Variants in B3GALT1 observed in about 807,000 individuals in gnomAD.
B3GALT1 encodes beta-1,3-galactosyltransferase 1, also known as UDP-Gal:betaGlcNAc beta 1,3-galactosyltransferase, polypeptide 1.
B3GALT1 carries 10 observed loss-of-function variants against 23.2 expected under a neutral mutation model. The ratio of observed to expected loss-of-function variants is 0.43; its 90% CI spans 0.27 to 0.73. The LOEUF (loss-of-function observed/expected upper bound fraction) is 0.73. B3GALT1 is among the 30% of genes least tolerant of loss of function. B3GALT1 has a pLI of 0.21. For synonymous variants in B3GALT1, 156 were observed against 141.5 expected (o/e 1.10, Z -0.73); for missense variants, 299 against 405.4 (o/e 0.74, Z 2.25).
At chr2:167,668,302 G>T (rs956237040) in intron 3 of B3GALT1, among the ~76,000 whole-genome samples, 1 of 152,102 alleles carries the variant, frequency 6.6e-6, no homozygotes, top group African/African-American at 2.4e-5. Context: ...GAGGCAGTTT[G>T]CCCGTTCTCA....
At chr2:167,526,055 C>T (rs1683214009) in intron 2 of B3GALT1, among the ~76,000 whole-genome samples, 1 of 152,090 alleles carries the variant, frequency 6.6e-6, no homozygotes, top group Non-Finnish European at 1.5e-5. Context: ...CTGCAATCAA[C>T]CATTTCTCCA....
chr2:167,840,872 T>C (rs1473187771), intron 4 of B3GALT1, among the ~76,000 whole-genome samples: 1 of 147,410 alleles, frequency 6.8e-6, no homozygotes, highest in South Asian at 2.2e-4. Context: ...TCATGTCCTT[T>C]GTAGGGACAT....
chr2:167,688,725 A>G lies in B3GALT1; in HGVS notation c.-352+41759A>G, dbSNP rs193101214. ...AGAACTAGAGAAAAAAGGGGCCCAAACTGAAAAAGCATTCAAATAAATAAT... is the reference window on the plus strand; with the variant it reads ...AGAACTAGAGAAAAAAGGGGCCCAAGCTGAAAAAGCATTCAAATAAATAAT... On this transcript the variant is annotated intron_variant, in intron 3 of 4. Transcript: ENST00000392690. Among the ~76,000 whole-genome samples, 12 of 152,264 alleles carry G rather than the reference A, an allele frequency of 7.9e-5. No homozygotes were observed. The East Asian group carries it at 2.1e-3, about 27-fold the overall frequency.
intron 1 of B3GALT1, among the ~76,000 whole-genome samples, chr2:167,353,169 C>T (rs958408960): frequency 6.6e-6 from 1 of 152,110 alleles, no homozygotes; most frequent in African/African-American, 2.4e-5. Flanking sequence ...AAACATAGTT[C>T]CTCCTCTTTT....
chr2:167,636,801 C>T (rs745875441), intron 2 of B3GALT1, among the ~76,000 whole-genome samples: 5 of 151,950 alleles, frequency 3.3e-5, no homozygotes, highest in Non-Finnish European at 5.9e-5. Flanking sequence ...CACATGGACA[C>T]TGGGAGAGGA....
At chr2:167,852,565 G>A (rs919950074) in intron 4 of B3GALT1, among the ~76,000 whole-genome samples, 7 of 147,836 alleles carry the variant, frequency 4.7e-5, no homozygotes, top group East Asian at 2.1e-4. Flanking sequence ...TTATTTTATC[G>A]GAAAATTTAT....
intron 1 of B3GALT1, among the ~76,000 whole-genome samples, chr2:167,400,301 T>C (rs536645560): frequency 1.3e-5 from 2 of 152,106 alleles, no homozygotes; most frequent in East Asian, 3.9e-4. Context: ...ATGTGCAATT[T>C]TTTGGTCACA....
intron 3 of B3GALT1, among the ~76,000 whole-genome samples, chr2:167,664,521 G>C (rs976246091): frequency 6.6e-6 from 1 of 152,012 alleles, no homozygotes; most frequent in African/African-American, 2.4e-5. Context: ...AGCTTGATGG[G>C]GATGGCATTG....
At chr2:167,454,121 G>T (rs1235569079) in intron 1 of B3GALT1, among the ~76,000 whole-genome samples, 1 of 152,146 alleles carries the variant, frequency 6.6e-6, no homozygotes, top group East Asian at 1.9e-4. Context: ...TTGTATATTT[G>T]TATATTTGAA....
intron 2 of B3GALT1, among the ~76,000 whole-genome samples, chr2:167,591,638 A>G (rs868619525): frequency 1.3e-5 from 2 of 151,938 alleles, no homozygotes; most frequent in Middle Eastern, 3.4e-3. Context: ...ATACACTGCT[A>G]ATTTTTTTTA....
At chr2:167,590,786 C>A (rs991733838) in intron 2 of B3GALT1, among the ~76,000 whole-genome samples, 1 of 152,122 alleles carries the variant, frequency 6.6e-6, no homozygotes, top group South Asian at 2.1e-4. Context: ...TGTAAGAAGG[C>A]TGATGCCAAA....
chr2:167,728,533 ACTTTT>A (rs1324062728), intron 3 of B3GALT1, among the ~76,000 whole-genome samples: 14 of 152,188 alleles, frequency 9.2e-5, no homozygotes, highest in African/African-American at 3.4e-4. Context: ...ATAAACAGAA[ACTTTT>A]CTTTTATAGC....
chr2:167,606,674 TG>T (rs745982671), intron 2 of B3GALT1, among the ~76,000 whole-genome samples: 34 of 152,178 alleles, frequency 2.2e-4, no homozygotes, highest in Non-Finnish European at 4.1e-4. Flanking sequence ...AAAAAGCTGT[TG>T]TGATTTAGTT....
chr2:167,872,598 T>C lies in B3GALT1; in HGVS notation c.*2578T>C, dbSNP rs1690374568. 6.6e-6 allele frequency: 1 copy of C among 152,254 alleles called. No individual in the cohort carries two copies. The highest frequency in any genetic ancestry group is 2.4e-5 in the African/African-American group (1 of 41,462). 9.4% of individuals were successfully genotyped at this position (152,254 alleles called of 1,614,324 possible). ...ATACTATTGCCTTGCATCTACCCCA[T>C]GCTCAGTCAAACCACCTCTGGTGTC... On this transcript the variant is annotated 3_prime_UTR_variant, in exon 5 of 5. Transcript: ENST00000392690.
chr2:167,542,137 T>C (rs534232312), intron 2 of B3GALT1, among the ~76,000 whole-genome samples: 2 of 127,822 alleles, frequency 1.6e-5, no homozygotes, highest in Non-Finnish European at 1.6e-5. Flanking sequence ...TTTTATATAT[T>C]TTTTTAAATG....
chr2:167,750,396 TA>T (rs1558967665), intron 3 of B3GALT1, among the ~76,000 whole-genome samples: 1 of 152,130 alleles, frequency 6.6e-6, no homozygotes. Context: ...CAATAATTAT[TA>T]ACAATTTATC....
intron 3 of B3GALT1, among the ~76,000 whole-genome samples, chr2:167,677,454 C>T (rs1686448263): frequency 6.6e-6 from 1 of 152,322 alleles, no homozygotes; most frequent in Middle Eastern, 3.4e-3. Context: ...CCACTCTAAC[C>T]TTTTCTTCAC....
intron 1 of B3GALT1, among the ~76,000 whole-genome samples, chr2:167,381,439 A>G (rs754489842): frequency 3.3e-5 from 5 of 152,174 alleles, no homozygotes; most frequent in Admixed American, 6.6e-5. Context: ...GTAATTTTCA[A>G]TCTTGGTTGC....
At chr2:167,845,730 ACACTTGTT>A (rs894106728) in intron 4 of B3GALT1, among the ~76,000 whole-genome samples, 2 of 151,582 alleles carry the variant, frequency 1.3e-5, no homozygotes, top group African/African-American at 4.9e-5. Context: ...CAACAAAATC[ACACTTGTT>A]CACCAGCAAT....
Sources: gnomAD v4.1 joint callset for allele counts (sites outside exome capture counted in the v4.1 genomes callset) on GRCh38, gnomAD v4.1.1 for gene constraint, MANE v1.5 for transcripts, NCBI Gene and HGNC (gene_info 2026-07-23, HGNC 2026-07-21) for gene names.